The following SLC4A10 variants were observed in gnomAD, a reference collection of about 807,000 sequenced individuals.
SLC4A10 encodes sodium-driven chloride bicarbonate exchanger.
A neutral mutation model predicts 137.7 loss-of-function variants in SLC4A10; 42 were observed. The observed-to-expected ratio is 0.30, with a 90% CI of 0.24 to 0.39. SLC4A10 has a LOEUF of 0.39. Ranked by LOEUF, SLC4A10 falls within the 10% of genes least tolerant of loss-of-function variation. The pLI is 1.00. For missense variants in SLC4A10, 925 were observed against 1,355.0 expected (o/e 0.68, Z 4.98); for synonymous variants, 474 against 464.1 (o/e 1.02, Z -0.27).
chr2:161,953,513 C>T (rs911266405), intron 19 of SLC4A10, among the ~76,000 whole-genome samples: 27 of 151,864 alleles, frequency 1.8e-4, no homozygotes, highest in Admixed American at 1.1e-3. Flanking sequence ...GAGGCTGAGG[C>T]AGGAGAATCG....
chr2:161,685,203 G>T (rs2041252944), intron 1 of SLC4A10, among the ~76,000 whole-genome samples: 1 of 152,110 alleles, frequency 6.6e-6, no homozygotes. Flanking sequence ...ACTAATGATA[G>T]CTGCTACCAT....
chr2:161,953,766 G>C (rs770218482), intron 19 of SLC4A10, among the ~76,000 whole-genome samples: 1 of 152,148 alleles, frequency 6.6e-6, no homozygotes, highest in East Asian at 1.9e-4. Flanking sequence ...GATGGCTCCA[G>C]AGTGAAAGAA....
chr2:161,703,245 A>G (rs754063640), intron 1 of SLC4A10, among the ~76,000 whole-genome samples: 5 of 151,732 alleles, frequency 3.3e-5, no homozygotes, highest in African/African-American at 4.8e-5. Context: ...ACTGTTATTT[A>G]TAATATTGAA....
intron 8 of SLC4A10, among the ~76,000 whole-genome samples, chr2:161,875,841 G>C (rs1404514825): frequency 6.6e-6 from 1 of 152,170 alleles, no homozygotes; most frequent in African/African-American, 2.4e-5. Context: ...GTGATTAAGA[G>C]AGCTGCTCAA....
chr2:161,828,344 A>G (rs1184861757), intron 3 of SLC4A10, among the ~76,000 whole-genome samples: 1 of 151,590 alleles, frequency 6.6e-6, no homozygotes, highest in Non-Finnish European at 1.5e-5. Flanking sequence ...TGTACTACTG[A>G]CCCTTGGATT....
chr2:161,928,560 T>G (rs1222186241), intron 15 of SLC4A10, among the ~76,000 whole-genome samples: 2 of 143,058 alleles, frequency 1.4e-5, no homozygotes, highest in African/African-American at 5.2e-5. Flanking sequence ...ATAATAAAAA[T>G]ATCTTGAAAA....
intron 3 of SLC4A10, among the ~76,000 whole-genome samples, chr2:161,807,205 G>A (rs1450649490): frequency 6.6e-6 from 1 of 152,140 alleles, no homozygotes; most frequent in Non-Finnish European, 1.5e-5. Context: ...CCCACAACAT[G>A]TGAGAATTCA....
In SLC4A10 at chr2:161,746,152, C is replaced by A. The variant is rs767433701; in HGVS notation, c.49-24821C>A. Among the ~76,000 whole-genome samples the A allele has an allele frequency of 2.0e-5, 3 of 152,202 alleles. No individual in the cohort carries two copies. The Middle Eastern group carries it at 0.01, about 518-fold the overall frequency. ...AAGTAGGTGATGAATCTTCCCAGGA[C>A]TGGCTCTTTCCTTTCAGTGCAGCAT... is the stretch of plus-strand genomic sequence containing the variant. On this transcript the variant is annotated intron_variant, in intron 1 of 26. Coordinates refer to ENST00000446997, the MANE Select transcript of SLC4A10 (RefSeq NM_001178015.2).
intron 1 of SLC4A10, among the ~76,000 whole-genome samples, chr2:161,647,743 C>T (rs1460319487): frequency 6.6e-6 from 1 of 152,116 alleles, no homozygotes; most frequent in Non-Finnish European, 1.5e-5. Context: ...TTCCCTGTAG[C>T]TTCAGTTTCC....
intron 9 of SLC4A10, among the ~76,000 whole-genome samples, chr2:161,880,183 A>G (rs1419493652): frequency 6.6e-6 from 1 of 152,068 alleles, no homozygotes; most frequent in Non-Finnish European, 1.5e-5. Flanking sequence ...CCGTTCCCAT[A>G]TGGCTGGTGC....
intron 8 of SLC4A10, among the ~76,000 whole-genome samples, chr2:161,874,237 T>C (rs1246906815): frequency 6.6e-6 from 1 of 152,216 alleles, no homozygotes; most frequent in Non-Finnish European, 1.5e-5. Flanking sequence ...AAAGCAATAA[T>C]GTAACGAGCT....
chr2:161,829,934 G>A (rs901148650), intron 3 of SLC4A10, among the ~76,000 whole-genome samples: 4 of 151,970 alleles, frequency 2.6e-5, no homozygotes, highest in African/African-American at 7.3e-5. Flanking sequence ...TCACTACCAC[G>A]GGAACAGTAT....
intron 15 of SLC4A10, among the ~76,000 whole-genome samples, chr2:161,933,394 C>T (rs1158182480): frequency 6.7e-6 from 1 of 150,028 alleles, no homozygotes; most frequent in Non-Finnish European, 1.5e-5. Flanking sequence ...CCCTTCCCTT[C>T]CCTTCCCTTT....
At chr2:161,901,198 A>T in intron 12 of SLC4A10, 187 bp downstream of exon 12, 1 of 583,414 alleles carries the variant, frequency 1.7e-6, no homozygotes. Flanking sequence ...AAACTAAAAC[A>T]GTGGATACAC....
At chr2:161,832,705 G>C (rs1430213304) in intron 3 of SLC4A10, among the ~76,000 whole-genome samples, 1 of 151,808 alleles carries the variant, frequency 6.6e-6, no homozygotes, top group Non-Finnish European at 1.5e-5. Context: ...AGAGGAACAA[G>C]TTTGCATTTT....
intron 2 of SLC4A10, among the ~76,000 whole-genome samples, chr2:161,797,733 C>T (rs2054928293): frequency 6.6e-6 from 1 of 152,006 alleles, no homozygotes; most frequent in Non-Finnish European, 1.5e-5. Context: ...TAAACACTAT[C>T]TCAAGACACA....
At chr2:161,731,214 G>A (rs2046789996) in intron 1 of SLC4A10, among the ~76,000 whole-genome samples, 1 of 152,068 alleles carries the variant, frequency 6.6e-6, no homozygotes. Flanking sequence ...AAATAATTAG[G>A]TAGTTGAATT....
chr2:161,684,056 A>G (rs1229435430), intron 1 of SLC4A10, among the ~76,000 whole-genome samples: 2 of 152,120 alleles, frequency 1.3e-5, no homozygotes, highest in Non-Finnish European at 2.9e-5. Context: ...TTCTTCCCTC[A>G]GGCCCTGACA....
At chr2:161,804,970 G>A (rs964827601) in intron 3 of SLC4A10, among the ~76,000 whole-genome samples, 1 of 152,104 alleles carries the variant, frequency 6.6e-6, no homozygotes, top group African/African-American at 2.4e-5. Context: ...TTAGGATGTT[G>A]TATTAGTCCG....
Sources: gnomAD v4.1 joint callset for allele counts (sites outside exome capture counted in the v4.1 genomes callset) on GRCh38, gnomAD v4.1.1 for gene constraint, MANE v1.5 for transcripts, NCBI Gene and HGNC (gene_info 2026-07-23, HGNC 2026-07-21) for gene names.